Variants in ROBO1 observed in about 807,000 individuals in gnomAD.
ROBO1 encodes roundabout homolog 1.
Under a neutral mutation model 195.9 loss-of-function variants are expected in ROBO1, and 149 were observed. The ratio of observed to expected loss-of-function variants is 0.76; its 90% CI spans 0.67 to 0.87. The LOEUF is 0.87. Among genes scored for constraint, ROBO1 ranks in the 40% least tolerant of loss-of-function variants. The pLI, the probability that ROBO1 is intolerant of heterozygous loss-of-function variation, is 0.00. For missense variants in ROBO1, 1,933 were observed against 2,068.3 expected (o/e 0.93, Z 1.27); for synonymous variants, 816 against 733.2 (o/e 1.11, Z -1.82).
chr3:79,082,385 T>C (rs866240379), intron 3 of ROBO1, among the ~76,000 whole-genome samples: 10 of 152,074 alleles, frequency 6.6e-5, no homozygotes, highest in African/African-American at 2.2e-4. Flanking sequence ...GTGTGCAAAG[T>C]AGAAATTTTA....
At chr3:79,018,023 A>G (rs1297831128) in intron 3 of ROBO1, among the ~76,000 whole-genome samples, 5 of 152,148 alleles carry the variant, frequency 3.3e-5, no homozygotes, top group Non-Finnish European at 7.3e-5. Flanking sequence ...TTCCCTCCCC[A>G]GGGAAGCAGC....
intron 22 of ROBO1, 148 bp from the exon 23 acceptor site, chr3:78,636,256 C>CCA: frequency 1.8e-6 from 1 of 542,252 alleles, no homozygotes; most frequent in Non-Finnish European, 3.2e-6. Context: ...GGCCAAATAT[C>CCA]CACATGTGCT....
intron 4 of ROBO1, among the ~76,000 whole-genome samples, chr3:78,912,330 T>C (rs1215985349): frequency 1.3e-5 from 2 of 152,006 alleles, no homozygotes; most frequent in Admixed American, 1.3e-4. Context: ...AGCTGCGAGG[T>C]GAGACTACAT....
chr3:79,737,553 T>C (rs1363194415), intron 1 of ROBO1, among the ~76,000 whole-genome samples: 1 of 152,076 alleles, frequency 6.6e-6, no homozygotes. Flanking sequence ...TTAACTTATA[T>C]CAGAAGGCAG....
At position 78,633,976 on chromosome 3, in the gene ROBO1, C is replaced by T. The variant is rs749266872; in HGVS notation, c.3440G>A (p.Gly1147Glu). ...CCGGTCTGAGCTGTTGTAGGATCCT[C>T]CTGTGTTCTGGTCGTATGATTGGTT... is the stretch of plus-strand genomic sequence containing the variant. ...PYNQSYDQNT[G>E]GSYNSSDRGS... Residue 1147 changes from glycine (G) to glutamate (E), a missense_variant, in exon 24 of 31, where the codon GGA (glycine) becomes GAA (glutamate). Coordinates refer to ENST00000464233, the MANE Select transcript of ROBO1 (RefSeq NM_002941.4). 5.0e-6 allele frequency: 8 copies of T among 1,612,930 alleles called. No homozygotes were observed. The East Asian group carries it at 1.3e-4, about 27-fold the overall frequency.
chr3:78,815,961 C>A (rs1240284546), intron 4 of ROBO1, among the ~76,000 whole-genome samples: 1 of 152,054 alleles, frequency 6.6e-6, no homozygotes, highest in East Asian at 1.9e-4. Flanking sequence ...ATCCAGAAGA[C>A]CTAGCTAAGA....
At chr3:79,674,033 A>C (rs1946710516) in intron 1 of ROBO1, among the ~76,000 whole-genome samples, 1 of 152,056 alleles carries the variant, frequency 6.6e-6, no homozygotes, top group Non-Finnish European at 1.5e-5. Context: ...AGTCACCAAT[A>C]AACAAAAATC....
intron 2 of ROBO1, among the ~76,000 whole-genome samples, chr3:79,370,264 G>A (rs2051871480): frequency 6.6e-6 from 1 of 151,858 alleles, no homozygotes; most frequent in Non-Finnish European, 1.5e-5. Flanking sequence ...AGGCTGAGGT[G>A]GGAGAATGGC....
chr3:79,730,398 C>A (rs1037558613), intron 1 of ROBO1, among the ~76,000 whole-genome samples: 2 of 152,126 alleles, frequency 1.3e-5, no homozygotes, highest in South Asian at 2.1e-4. Flanking sequence ...ACTGAATATT[C>A]ATTCTAATGC....
chr3:78,973,112 A>C (rs552508411), intron 3 of ROBO1, among the ~76,000 whole-genome samples: 2 of 152,236 alleles, frequency 1.3e-5, no homozygotes, highest in East Asian at 3.9e-4. Flanking sequence ...TGAGTCAATG[A>C]GTTTTTGCTG....
chr3:79,517,332 C>T (rs146909305), intron 2 of ROBO1, among the ~76,000 whole-genome samples: 11 of 152,106 alleles, frequency 7.2e-5, no homozygotes, highest in African/African-American at 1.4e-4. Context: ...CTGGAACAGT[C>T]GACACTGACC....
chr3:79,359,190 G>T (rs534622262), intron 2 of ROBO1, among the ~76,000 whole-genome samples: 1 of 151,872 alleles, frequency 6.6e-6, no homozygotes, highest in Admixed American at 6.6e-5. Flanking sequence ...ATCTAATGGA[G>T]ACTAAATCAC....
At chr3:78,867,935 T>C (rs1450880271) in intron 4 of ROBO1, among the ~76,000 whole-genome samples, 2 of 152,156 alleles carry the variant, frequency 1.3e-5, no homozygotes, top group Non-Finnish European at 2.9e-5. Context: ...TTGAGACTAA[T>C]AACAGAACCT....
intron 1 of ROBO1, among the ~76,000 whole-genome samples, chr3:79,615,085 A>G (rs989421960): frequency 6.6e-6 from 1 of 152,094 alleles, no homozygotes; most frequent in Non-Finnish European, 1.5e-5. Context: ...GTAGTCAAAC[A>G]TCTCTCATTA....
intron 5 of ROBO1, among the ~76,000 whole-genome samples, chr3:78,746,449 A>C (rs2082658412): frequency 6.6e-6 from 1 of 152,196 alleles, no homozygotes; most frequent in South Asian, 2.1e-4. Flanking sequence ...AAATTTTATA[A>C]GCCCTGAGTT....
Position 78,659,698 on chromosome 3 carries a change from G to T in ROBO1, c.2430C>A (p.Val810=). 1 of 1,549,676 alleles carries T rather than the reference G, an allele frequency of 6.5e-7. No homozygotes were observed. Among genetic ancestry groups the T allele is most frequent in the Non-Finnish European group, 8.7e-7 (1 of 1,144,752 alleles). The change falls in exon 17 of 31, where the codon GTC becomes GTA. Residue 810 remains valine (V), a synonymous_variant. Transcript: ENST00000464233. Reference sequence around the variant, plus strand: ...ATTATACTCATACCTTATACTCTTGGACCATTCCATTTTGAGTGTCTTCTG... The same window carrying T: ...ATTATACTCATACCTTATACTCTTGTACCATTCCATTTTGAGTGTCTTCTG... The part of the protein sequence containing the change: ...PPPEDTQNGM[V]QEYKVWCLGN...
At chr3:79,098,625 TAAGA>T (rs919698886) in intron 3 of ROBO1, among the ~76,000 whole-genome samples, 2 of 151,842 alleles carry the variant, frequency 1.3e-5, no homozygotes, top group African/African-American at 4.8e-5. Flanking sequence ...TGACTATATA[TAAGA>T]AACAGATGAA....
At chr3:79,724,672 A>G (rs185307659) in intron 1 of ROBO1, among the ~76,000 whole-genome samples, 1 of 152,300 alleles carries the variant, frequency 6.6e-6, no homozygotes, top group Non-Finnish European at 1.5e-5. Context: ...TGTTAGCTTA[A>G]AAGTTGAGGC....
chr3:79,270,438 TA>T (rs139100189), intron 2 of ROBO1, among the ~76,000 whole-genome samples: 15,093 of 150,334 alleles, frequency 0.1, 814 homozygotes, highest in Middle Eastern at 0.14. Flanking sequence ...AATGTCAACT[TA>T]AAAAAAAACA....
Sources: allele counts gnomAD v4.1 joint callset (sites outside exome capture counted in the v4.1 genomes callset), GRCh38; gene constraint gnomAD v4.1.1; transcripts MANE v1.5; gene names NCBI Gene and HGNC (gene_info 2026-07-23, HGNC 2026-07-21).